The following ZNF891 variants were observed in gnomAD, a reference collection of about 807,000 sequenced individuals.
The protein encoded by ZNF891 is zinc finger protein 891, also known as hCG1646157.
For missense variants in ZNF891, 589 were observed against 632.7 expected (o/e 0.93, Z 0.74); for synonymous variants, 199 against 209.0 (o/e 0.95, Z 0.41).
chr12:133,106,693 T>A lies in ZNF891; in HGVS notation c.*13591A>T, dbSNP rs759567221. The A allele has an allele frequency of 2.9e-5, 43 of 1,498,044 alleles. No individual in the cohort carries two copies. In the East Asian group the frequency reaches 7.0e-4, roughly 24 times the overall value. The allele number at this position is 1,498,044 out of a possible 1,614,324, so 92.8% of individuals were successfully genotyped here. On this transcript the variant is annotated 3_prime_UTR_variant, in exon 2 of 2. Transcript: ENST00000537226. ...AAAACTATGAATGTATGGAATTTTT[T>A]AAAAAGAAGTATAATGCCTTACTTC...
chr12:133,121,279 T>G lies in ZNF891; in HGVS notation c.640A>C (p.Lys214Gln), dbSNP rs966030785. Residue 214 changes from lysine (K) to glutamine (Q), a missense_variant, in exon 2 of 2, where the codon AAA becomes CAA. Lys to Gln is a moderately conservative substitution (Grantham distance 53, BLOSUM62 1). Coordinates refer to ENST00000537226, the MANE Select transcript of ZNF891 (RefSeq NM_001277291.2). ...TCTGAGTAACATTTTTGGCAATGTT[T>G]ACTGGTGAAAATGCTCTGTGAAAAA... ...LIFSQSIFTS[K>Q]HCQKCYSEIG... 1.3e-6 allele frequency: 2 copies of G among 1,535,586 alleles called. No individual in the cohort carries two copies. Among genetic ancestry groups the G allele is most frequent in the Non-Finnish European group, 1.7e-6 (2 of 1,146,820 alleles).
chr12:133,110,652 A>G lies in ZNF891; in HGVS notation c.*9632T>C, dbSNP rs1166518467. 6.6e-6 allele frequency: 1 copy of G among 152,228 alleles called. No individual in the cohort carries two copies. Among genetic ancestry groups the G allele is most frequent in the Admixed American group, 6.5e-5 (1 of 15,284 alleles). The allele number at this position is 152,228 out of a possible 1,614,324, so 9.4% of individuals were successfully genotyped here. ...AGAATTTTCTATCATACATCAATGT[A>G]TGTAAGGCAGGGGGCTAAGTGACTT... On this transcript the variant is annotated 3_prime_UTR_variant, in exon 2 of 2. Coordinates refer to ENST00000537226, the MANE Select transcript of ZNF891 (RefSeq NM_001277291.2).
rs751270119 is a variant in ZNF891, at chr12:133,106,395, T to C, written c.*13889A>G. ...GTTTTCACTTGGCATGCATCCCTTA[T>C]TCAACATACGAAGAGTCACACTGGA... On this transcript the variant is annotated 3_prime_UTR_variant, in exon 2 of 2. Transcript: ENST00000537226. The C allele has an allele frequency of 1.2e-6, 2 of 1,614,178 alleles. No homozygotes were observed. The highest frequency in any genetic ancestry group is 1.7e-5 in the Admixed American group (1 of 60,034).
At chr12:133,122,847 C>A (rs1275582268) in intron 1 of ZNF891, among the ~76,000 whole-genome samples, 5 of 152,100 alleles carry the variant, frequency 3.3e-5, no homozygotes, top group African/African-American at 1.2e-4. Flanking sequence ...GGTCAAATGA[C>A]AAAGGAAGAA....
At chr12:133,122,748 T>C (rs1955777021) in intron 1 of ZNF891, among the ~76,000 whole-genome samples, 1 of 152,192 alleles carries the variant, frequency 6.6e-6, no homozygotes, top group Non-Finnish European at 1.5e-5. Flanking sequence ...GAAACAGATG[T>C]TCATTTGATT....
Position 133,110,527 on chromosome 12 carries a change from T to C in ZNF891, c.*9757A>G, listed in dbSNP as rs2137608182. 6.6e-6 allele frequency: 1 copy of C among 152,368 alleles called. No individual in the cohort carries two copies. The highest frequency in any genetic ancestry group is 1.9e-4 in the East Asian group (1 of 5,182). The allele number at this position is 152,368 out of a possible 1,614,324, so 9.4% of individuals were successfully genotyped here. A position where few individuals can be genotyped will look rare whatever the true frequency, so the allele number is the denominator to read the frequency against. On this transcript the variant is annotated 3_prime_UTR_variant, in exon 2 of 2. Coordinates refer to ENST00000537226, the MANE Select transcript of ZNF891 (RefSeq NM_001277291.2). Reference sequence around the variant, plus strand: ...AGTCATGGGAGAATGACCACAATTCTGTATTTTCTTGGAAAGCAACAATCA... The same window carrying C: ...AGTCATGGGAGAATGACCACAATTCCGTATTTTCTTGGAAAGCAACAATCA...
Position 133,111,801 on chromosome 12 carries a change from G to A in ZNF891, c.*8483C>T, listed in dbSNP as rs559616241. 54 of 151,604 alleles carry A rather than the reference G, an allele frequency of 3.6e-4. No homozygotes were observed. Among genetic ancestry groups the A allele is most frequent in the African/African-American group, 1.2e-3 (50 of 41,348 alleles). The allele number at this position is 151,604 out of a possible 1,614,324, so 9.4% of individuals were successfully genotyped here. A position where few individuals can be genotyped will look rare whatever the true frequency, so the allele number is the denominator to read the frequency against. On this transcript the variant is annotated 3_prime_UTR_variant, in exon 2 of 2. Transcript: ENST00000537226. ...TTTTAAAAAGTGAATGCAACTTATG[G>A]AAAAATTAAAAAGGAAACCCAGTAA... is the stretch of plus-strand genomic sequence containing the variant.
intron 1 of ZNF891, among the ~76,000 whole-genome samples, chr12:133,123,735 AAACAACAAC>A (rs796534378): frequency 2.3e-5 from 3 of 132,900 alleles, no homozygotes; most frequent in African/African-American, 7.6e-5. Flanking sequence ...AAACACACAC[AAACAACAAC>A]AACAACAACA....
chr12:133,126,608 T>C (rs7133691), intron 1 of ZNF891, among the ~76,000 whole-genome samples: 116,582 of 150,384 alleles, frequency 0.78, 45,825 homozygotes, highest in African/African-American at 0.85. Flanking sequence ...GTCAGAATTC[T>C]AAGACCAGCC....
chr12:133,120,749 G>A lies in ZNF891; in HGVS notation c.1170C>T (p.Ser390=), dbSNP rs370709120. The change falls in exon 2 of 2, where the codon TCC becomes TCT. Residue 390 remains serine, a synonymous_variant. Coordinates refer to ENST00000537226, the MANE Select transcript of ZNF891 (RefSeq NM_001277291.2). ...QCGKAFSQKT[S]LKAHMRTHTG... is the part of the protein sequence containing the mutation. ...TGTGAGTTCTCATGTGAGCCTTAAG[G>A]GATGTTTTTTGACTGAAAGCTTTTC... 3 of 1,567,036 alleles carry A rather than the reference G, an allele frequency of 1.9e-6. No homozygotes were observed. In the African/African-American group the frequency reaches 4.1e-5, roughly 21 times the overall value.
In ZNF891 at chr12:133,120,244, C is replaced by T; in HGVS notation, c.*40G>A. 1 of 1,466,730 alleles carries T rather than the reference C, an allele frequency of 6.8e-7. No homozygotes were observed. The highest frequency in any genetic ancestry group is 9.1e-7 in the Non-Finnish European group (1 of 1,102,142). The allele number at this position is 1,466,730 out of a possible 1,614,324, so 90.9% of individuals were successfully genotyped here. ...ACTGAGACAAGGAGCTTGGAATCCA[C>T]CTTAAGACAATGAAAACAGCAATTC... On this transcript the variant is annotated 3_prime_UTR_variant, in exon 2 of 2. Transcript: ENST00000537226.
In ZNF891 at chr12:133,120,737, G is replaced by A. The variant is rs779760261; in HGVS notation, c.1182C>T (p.His394=). Residue 394 remains histidine (H), a synonymous_variant, in exon 2 of 2, where the codon CAC becomes CAT. Transcript: ENST00000537226. ...AFSQKTSLKA[H]MRTHTGEKPY... is the part of the protein sequence containing the mutation. Reference sequence around the variant, plus strand: ...GTTTCTCTCCAGTGTGAGTTCTCATGTGAGCCTTAAGGGATGTTTTTTGAC... The same window carrying A: ...GTTTCTCTCCAGTGTGAGTTCTCATATGAGCCTTAAGGGATGTTTTTTGAC... 1.9e-6 allele frequency: 3 copies of A among 1,567,252 alleles called. No homozygotes were observed. The South Asian group carries it at 3.5e-5, about 18-fold the overall frequency.
chr12:133,106,606 T>G lies in ZNF891; in HGVS notation c.*13678A>C. ...ACACTCTTGACAACCCCTATGAATA[T>G]GAAAATTCATTTAATTACCACTCAT... On this transcript the variant is annotated 3_prime_UTR_variant, in exon 2 of 2. Coordinates refer to ENST00000537226, the MANE Select transcript of ZNF891 (RefSeq NM_001277291.2). 1 of 1,606,192 alleles carries G rather than the reference T, an allele frequency of 6.2e-7. No individual in the cohort carries two copies. Among genetic ancestry groups the G allele is most frequent in the Non-Finnish European group, 8.5e-7 (1 of 1,177,794 alleles).
intron 1 of ZNF891, among the ~76,000 whole-genome samples, chr12:133,124,560 C>T (rs1260095405): frequency 2.0e-5 from 3 of 151,526 alleles, no homozygotes; most frequent in Non-Finnish European, 4.4e-5. Flanking sequence ...ATGTGTAAAA[C>T]TTTAAAGTTA....
chr12:133,122,072 GGGC>G (rs1247235167), intron 1 of ZNF891, 48 bp from the exon 2 acceptor site: 1 of 1,399,560 alleles, frequency 7.1e-7, no homozygotes. Context: ...GCTGGAAACA[GGGC>G]CCCACTTGGG....
chr12:133,124,793 T>G (rs1008786201), intron 1 of ZNF891, among the ~76,000 whole-genome samples: 3 of 148,580 alleles, frequency 2.0e-5, no homozygotes, highest in Non-Finnish European at 3.0e-5. Context: ...AATTCTAGGT[T>G]GTTGTTGTTT....
chr12:133,126,969 CTTT>C (rs543463648), intron 1 of ZNF891, among the ~76,000 whole-genome samples: 1,423 of 88,706 alleles, frequency 0.016, 14 homozygotes, highest in African/African-American at 0.063. Flanking sequence ...TACAGGAAAA[CTTT>C]TTTTTTTTTT....
At position 133,110,507 on chromosome 12, in the gene ZNF891, T is replaced by G. The variant is rs909499976; in HGVS notation, c.*9777A>C. On this transcript the variant is annotated 3_prime_UTR_variant, in exon 2 of 2. Transcript: ENST00000537226. The stretch of plus-strand genomic sequence containing the variant: ...AATCAATATTAGTAAAGAATAGTCA[T>G]GGGAGAATGACCACAATTCTGTATT... The G allele has an allele frequency of 3.9e-5, 6 of 152,212 alleles. No homozygotes were observed. In the East Asian group the frequency reaches 1.2e-3, roughly 29 times the overall value. 9.4% of individuals were successfully genotyped at this position (152,212 alleles called of 1,614,324 possible).
rs1018674396 is a variant in ZNF891, at chr12:133,110,570, A to G, written c.*9714T>C. On this transcript the variant is annotated 3_prime_UTR_variant, in exon 2 of 2. Coordinates refer to ENST00000537226, the MANE Select transcript of ZNF891 (RefSeq NM_001277291.2). ...AACAATCAAATGCTTTGGGAGACTT[A>G]AGATACTCACAAATAGGTAAAGCTG... The G allele has an allele frequency of 3.3e-5, 5 of 152,228 alleles. No individual in the cohort carries two copies. The highest frequency in any genetic ancestry group is 1.2e-4 in the African/African-American group (5 of 41,464). 9.4% of individuals were successfully genotyped at this position (152,228 alleles called of 1,614,324 possible).
Sources: allele counts gnomAD v4.1 joint callset (sites outside exome capture counted in the v4.1 genomes callset), GRCh38; gene constraint gnomAD v4.1.1; transcripts MANE v1.5; gene names NCBI Gene and HGNC (gene_info 2026-07-23, HGNC 2026-07-21).